Variants in PRMT3 observed in about 807,000 individuals in gnomAD.
PRMT3 encodes the protein protein arginine methyltransferase 3.
A neutral mutation model predicts 71.9 loss-of-function variants in PRMT3; 62 were observed. The ratio of observed to expected loss-of-function variants is 0.86; its 90% CI spans 0.70 to 1.07. The LOEUF (loss-of-function observed/expected upper bound fraction) is 1.07, where lower values mean the gene tolerates loss of function less well. PRMT3 is among the 50% of genes least tolerant of loss of function. The pLI, the probability that PRMT3 is intolerant of heterozygous loss-of-function variation, is 0.00. For synonymous variants in PRMT3, 213 were observed against 220.4 expected, an observed-to-expected ratio of 0.97 and a Z score of 0.30; for missense variants, 663 against 643.0, an observed-to-expected ratio of 1.03 and a Z score of -0.34.
intron 9 of PRMT3, among the ~76,000 whole-genome samples, chr11:20,417,977 T>G (rs1236496630): frequency 6.6e-6 from 1 of 152,190 alleles, no homozygotes; most frequent in Non-Finnish European, 1.5e-5. Flanking sequence ...TACCCGTAAG[T>G]GCATGGACTG....
At chr11:20,451,869 G>A (rs752153445) in intron 10 of PRMT3, among the ~76,000 whole-genome samples, 1 of 152,094 alleles carries the variant, frequency 6.6e-6, no homozygotes, top group Non-Finnish European at 1.5e-5. Flanking sequence ...GGAAGAAAGA[G>A]TAGTCTGGAA....
Position 20,387,738 on chromosome 11 carries a change from A to G in PRMT3, c.-9A>G, listed in dbSNP as rs1221499294. The G allele has an allele frequency of 2.0e-6, 3 of 1,535,624 alleles. No homozygotes were observed. Among genetic ancestry groups the G allele is most frequent in the Admixed American group, 2.0e-5 (1 of 50,372 alleles). ...CCCAGACACGCCGGGCTCTCGGGGC[A>G]CCACAGCCATGTGCTCGTTAGCGTC... is the stretch of plus-strand genomic sequence containing the variant. On this transcript the variant is annotated 5_prime_UTR_variant, in exon 1 of 16. Coordinates refer to ENST00000331079, the MANE Select transcript of PRMT3 (RefSeq NM_005788.4). This position sits in a 1 kb window ranked among gnomAD's most constrained non-coding sequence, Gnocchi z 4.3.
intron 10 of PRMT3, among the ~76,000 whole-genome samples, chr11:20,434,254 C>G (rs745682785): frequency 1.3e-5 from 2 of 152,064 alleles, no homozygotes; most frequent in Non-Finnish European, 2.9e-5. Context: ...TGTTTAAATT[C>G]CTTATAGATG....
At chr11:20,404,010 G>T (rs1002468334) in intron 8 of PRMT3, among the ~76,000 whole-genome samples, 1 of 151,838 alleles carries the variant, frequency 6.6e-6, no homozygotes, top group African/African-American at 2.4e-5. Flanking sequence ...TGGCTGAACT[G>T]GACAGATATA....
intron 10 of PRMT3, among the ~76,000 whole-genome samples, chr11:20,442,588 A>G (rs1049691009): frequency 6.6e-6 from 1 of 152,144 alleles, no homozygotes; most frequent in Non-Finnish European, 1.5e-5. Flanking sequence ...ATTCTTTCTC[A>G]GAAATCACTT....
chr11:20,453,636 A>G (rs574495573), intron 11 of PRMT3, among the ~76,000 whole-genome samples: 1 of 152,176 alleles, frequency 6.6e-6, no homozygotes, highest in Non-Finnish European at 1.5e-5. Context: ...ATTTCAAGAT[A>G]TGTTCCCAAT....
chr11:20,504,737 A>AGAGAGG (rs1565243497), intron 15 of PRMT3, among the ~76,000 whole-genome samples: 5 of 150,906 alleles, frequency 3.3e-5, no homozygotes, highest in African/African-American at 1.2e-4. Flanking sequence ...AGAGAGAGAG[A>AGAGAGG]GAGAGAGAGC....
intron 13 of PRMT3, among the ~76,000 whole-genome samples, chr11:20,487,480 G>T (rs182443025): frequency 9.2e-5 from 14 of 152,268 alleles, no homozygotes; most frequent in Non-Finnish European, 4.4e-5. Flanking sequence ...ATATATTGAA[G>T]TATAATAGGA....
chr11:20,396,562 C>T (rs1014047664), intron 6 of PRMT3, among the ~76,000 whole-genome samples: 9 of 151,938 alleles, frequency 5.9e-5, no homozygotes, highest in African/African-American at 1.5e-4. Flanking sequence ...TGCTTGAATC[C>T]GGGAAGGGGA....
At position 20,423,594 on chromosome 11, in the gene PRMT3, T is replaced by C. The variant is rs375881096; in HGVS notation, c.894-3172T>C. On this transcript the variant is annotated intron_variant, in intron 9 of 15. Transcript: ENST00000331079. ...CTAGTTCATTGGTGATATTCTACTA[T>C]CTATGGCTTTCATCGTTGCTATTTT... is the stretch of plus-strand genomic sequence containing the variant. Among the ~76,000 whole-genome samples the C allele has an allele frequency of 3.9e-5, 6 of 152,324 alleles. No homozygotes were observed. In the East Asian group the frequency reaches 7.7e-4, roughly 20 times the overall value.
chr11:20,404,211 GTTTTTTTTTTTTT>G (rs71063629), intron 8 of PRMT3, among the ~76,000 whole-genome samples: 1 of 34,336 alleles, frequency 2.9e-5, no homozygotes, highest in African/African-American at 1.3e-4. Flanking sequence ...ACTTTTCATA[GTTTTTTTTTTTTT>G]TTTTTTTTTT....
chr11:20,486,788 G>A (rs1409561524), intron 13 of PRMT3, among the ~76,000 whole-genome samples: 1 of 152,146 alleles, frequency 6.6e-6, no homozygotes, highest in Non-Finnish European at 1.5e-5. Flanking sequence ...TGGGCACAGT[G>A]GCTCATGCCT....
intron 13 of PRMT3, among the ~76,000 whole-genome samples, chr11:20,464,818 A>G (rs1850470279): frequency 6.6e-6 from 1 of 152,202 alleles, no homozygotes; most frequent in Admixed American, 6.5e-5. Flanking sequence ...TGGTTAGTCA[A>G]GAGCACTCAA....
At chr11:20,424,767 A>G (rs547893650) in intron 9 of PRMT3, among the ~76,000 whole-genome samples, 7 of 152,334 alleles carry the variant, frequency 4.6e-5, no homozygotes, top group African/African-American at 1.7e-4. Context: ...TACTTACTGT[A>G]CATAAATCTG....
rs1848855301 is a variant in PRMT3 at position 20,397,620 on chromosome 11, T to C, written c.604T>C (p.Cys202Arg). 1 of 1,614,170 alleles carries C rather than the reference T, an allele frequency of 6.2e-7. No individual in the cohort carries two copies. Among genetic ancestry groups the C allele is most frequent in the Non-Finnish European group, 8.5e-7 (1 of 1,180,014 alleles). The change falls in exon 7 of 16, where the codon TGC becomes CGC. Residue 202 changes from cysteine to arginine, a missense_variant. By Grantham distance (180) the Cys-to-Arg change is radical. Transcript: ENST00000331079. ...TGTGATGCACACAGATGTCAGAACC[T>C]GCTCGTCATCTACTAGTGTCATTGC... Reference protein sequence around the residue: ...DFVMHTDVRTCSSSTSVIADL... With the variant: ...DFVMHTDVRTRSSSTSVIADL...
intron 15 of PRMT3, among the ~76,000 whole-genome samples, chr11:20,505,888 G>A (rs1025075837): frequency 6.6e-5 from 10 of 150,650 alleles, no homozygotes; most frequent in African/African-American, 1.9e-4. Flanking sequence ...CAAAACCCAC[G>A]GGGCGGTAAA....
intron 9 of PRMT3, among the ~76,000 whole-genome samples, chr11:20,423,649 T>G (rs1849474459): frequency 6.6e-6 from 1 of 152,144 alleles, no homozygotes; most frequent in African/African-American, 2.4e-5. Context: ...CAATTGTTAT[T>G]CCATTGAAGA....
chr11:20,406,413 C>A (rs556890257), intron 8 of PRMT3: 9 of 152,298 alleles, frequency 5.9e-5, no homozygotes, highest in Admixed American at 3.3e-4. Context: ...CCTTTTGTAA[C>A]CGGCTTATTG....
chr11:20,404,233 T>G (rs1344116890), intron 8 of PRMT3, among the ~76,000 whole-genome samples: 3,643 of 109,656 alleles, frequency 0.033, 185 homozygotes, highest in East Asian at 0.15. Flanking sequence ...TTTTTTTTTT[T>G]TTTTTTTTTT....
Sources: gnomAD v4.1 joint callset for allele counts (sites outside exome capture counted in the v4.1 genomes callset) on GRCh38, gnomAD v4.1.1 for gene constraint, Gnocchi (gnomAD v3.1) non-coding constraint, MANE v1.5 for transcripts, NCBI Gene and HGNC (gene_info 2026-07-23, HGNC 2026-07-21) for gene names.